The following KCNN2 variants were observed in gnomAD, a reference collection of about 807,000 sequenced individuals.
KCNN2 encodes potassium calcium-activated channel subfamily N member 2, also known as small conductance calcium-activated potassium channel protein 2.
In KCNN2, 24 loss-of-function variants were observed where a neutral mutation model predicts 55.5. That is an observed-to-expected ratio of 0.43 (90% CI 0.31 to 0.61). The LOEUF (loss-of-function observed/expected upper bound fraction) is 0.61, where lower values mean the gene tolerates loss of function less well. Ranked by LOEUF, KCNN2 falls within the 20% of genes least tolerant of loss-of-function variation. KCNN2 has a pLI of 0.08. For missense variants in KCNN2, 754 were observed against 853.6 expected, an observed-to-expected ratio of 0.88 and a Z score of 1.45; for synonymous variants, 431 against 336.1, an observed-to-expected ratio of 1.28 and a Z score of -3.09.
intron 1 of KCNN2, among the ~76,000 whole-genome samples, chr5:114,102,158 T>G (rs1376717393): frequency 6.6e-6 from 1 of 152,350 alleles, no homozygotes; most frequent in East Asian, 1.9e-4. Context: ...CATTGTGATT[T>G]TGATTTGCAT....
chr5:114,122,929 T>A (rs758925070), intron 1 of KCNN2, among the ~76,000 whole-genome samples: 4 of 152,212 alleles, frequency 2.6e-5, no homozygotes, highest in Non-Finnish European at 5.9e-5. Flanking sequence ...TTAAAATATC[T>A]GCATTATGTA....
intron 1 of KCNN2, among the ~76,000 whole-genome samples, chr5:114,181,972 C>G (rs908465905): frequency 2.0e-5 from 3 of 152,022 alleles, no homozygotes; most frequent in Non-Finnish European, 4.4e-5. Flanking sequence ...AGAGATCAAA[C>G]CACTGCACTT....
At chr5:114,389,333 A>G (rs935027143) in intron 2 of KCNN2, among the ~76,000 whole-genome samples, 6 of 152,110 alleles carry the variant, frequency 3.9e-5, no homozygotes, top group Admixed American at 2.0e-4. Context: ...AAAAGATTTT[A>G]TACCGGCTAA....
intron 2 of KCNN2, among the ~76,000 whole-genome samples, chr5:114,393,463 G>A (rs1340686525): frequency 6.6e-6 from 1 of 151,914 alleles, no homozygotes. Context: ...TGTTTGTTAG[G>A]ATTTATTTGG....
At chr5:114,086,924 G>T (rs190254559) in intron 1 of KCNN2, among the ~76,000 whole-genome samples, 7 of 152,040 alleles carry the variant, frequency 4.6e-5, no homozygotes, top group Non-Finnish European at 7.4e-5. Flanking sequence ...TCCCTTTTCT[G>T]TGCAGCCTCA....
In KCNN2 at chr5:114,103,367, G is replaced by A. The variant is rs140386205; in HGVS notation, c.-271+46867G>A. 3.3e-3 allele frequency among the ~76,000 whole-genome samples: 498 copies of A among 152,286 alleles called. 5 individuals are homozygous for A. Among genetic ancestry groups the A allele is most frequent in the Non-Finnish European group, 4.3e-3 (291 of 68,028 alleles). ...TTCTAAATATACAATCATGTCATCTGCAAACAGAGATAATTTGACTTCTTG... is the reference window on the plus strand; with the variant it reads ...TTCTAAATATACAATCATGTCATCTACAAACAGAGATAATTTGACTTCTTG... On this transcript the variant is annotated intron_variant, in intron 1 of 10. Coordinates refer to the KCNN2 transcript ENST00000512097.
chr5:114,186,173 G>A (rs1228118252), intron 1 of KCNN2, among the ~76,000 whole-genome samples: 1 of 152,052 alleles, frequency 6.6e-6, no homozygotes. Context: ...CTTTATTTCT[G>A]TGACCAGTAT....
chr5:114,259,569 T>C (rs1052609255), intron 2 of KCNN2, among the ~76,000 whole-genome samples: 2 of 152,034 alleles, frequency 1.3e-5, no homozygotes, highest in Non-Finnish European at 2.9e-5. Context: ...TGTATACATA[T>C]GTAACTAACC....
At chr5:114,332,532 GC>G (rs1418626551) in intron 2 of KCNN2, among the ~76,000 whole-genome samples, 2 of 152,170 alleles carry the variant, frequency 1.3e-5, no homozygotes, top group Non-Finnish European at 2.9e-5. Context: ...TCACAGTAAA[GC>G]TTTGGTAGTT....
chr5:114,069,974 A>G (rs1036166904), intron 1 of KCNN2, among the ~76,000 whole-genome samples: 4 of 152,146 alleles, frequency 2.6e-5, no homozygotes, highest in African/African-American at 4.8e-5. Flanking sequence ...ATATGAATAT[A>G]TCTCACTTTT....
intron 1 of KCNN2, among the ~76,000 whole-genome samples, chr5:114,077,144 G>A (rs1036457113): frequency 2.0e-5 from 3 of 152,202 alleles, no homozygotes; most frequent in Admixed American, 6.5e-5. Context: ...GAGAAGTGCT[G>A]TGGAGATGGA....
chr5:114,221,681 T>A (rs1366993390), intron 2 of KCNN2, among the ~76,000 whole-genome samples: 1 of 152,206 alleles, frequency 6.6e-6, no homozygotes, highest in Non-Finnish European at 1.5e-5. Flanking sequence ...CTGCCTATAG[T>A]TTAAACTATT....
chr5:114,355,780 C>T (rs895672816), intron 2 of KCNN2, among the ~76,000 whole-genome samples: 1 of 152,098 alleles, frequency 6.6e-6, no homozygotes, highest in African/African-American at 2.4e-5. Flanking sequence ...TAGCATTTGC[C>T]AGTGTCAATA....
chr5:114,384,326 A>T (rs1371011351), intron 2 of KCNN2, among the ~76,000 whole-genome samples: 1 of 152,220 alleles, frequency 6.6e-6, no homozygotes, highest in East Asian at 1.9e-4. Context: ...ATCTTTATCC[A>T]TAATTAGTTG....
At chr5:114,367,858 G>A (rs1465959545) in intron 2 of KCNN2, among the ~76,000 whole-genome samples, 4 of 152,136 alleles carry the variant, frequency 2.6e-5, no homozygotes, top group Non-Finnish European at 5.9e-5. Context: ...CTTTGAGGTA[G>A]GCAAACATAA....
chr5:114,203,627 T>C (rs1753717222), intron 1 of KCNN2, among the ~76,000 whole-genome samples: 1 of 152,144 alleles, frequency 6.6e-6, no homozygotes, highest in Non-Finnish European at 1.5e-5. Context: ...TTGAGAAAGA[T>C]ATTGTGGAAG....
chr5:114,248,253 C>T (rs187084381), intron 2 of KCNN2, among the ~76,000 whole-genome samples: 835 of 152,216 alleles, frequency 5.5e-3, no homozygotes, highest in Middle Eastern at 0.031. Context: ...GTGTCATCCT[C>T]TTAATGATAT....
At chr5:114,117,737 C>T (rs1751734455) in intron 1 of KCNN2, among the ~76,000 whole-genome samples, 1 of 152,148 alleles carries the variant, frequency 6.6e-6, no homozygotes, top group Non-Finnish European at 1.5e-5. Flanking sequence ...CAATACAGAA[C>T]TGGAAATATT....
rs150131199 is a variant in KCNN2 at position 114,268,947 on chromosome 5, G to A, written c.-185+47382G>A. Among the ~76,000 whole-genome samples, 206 of 151,770 alleles carry A rather than the reference G, an allele frequency of 1.4e-3. 1 individual carries two copies. The highest frequency in any genetic ancestry group is 4.3e-3 in the East Asian group (22 of 5,114). ...CCCAGCCATCTGTCTCGGGGGTGGG[G>A]GGGTTCTCTGAGGATCCTGAGAGAA... On this transcript the variant is annotated intron_variant, in intron 2 of 10. Transcript: ENST00000512097.
Sources: allele counts gnomAD v4.1 joint callset (sites outside exome capture counted in the v4.1 genomes callset), GRCh38; gene constraint gnomAD v4.1.1; transcripts MANE v1.5; gene names NCBI Gene and HGNC (gene_info 2026-07-23, HGNC 2026-07-21).